SLC60A1: variants seen among roughly 807,000 people sequenced by gnomAD.
SLC60A1 encodes solute carrier family 60 member 1.
the SLC60A1 span, among the ~76,000 whole-genome samples, chr1:205,581,540 A>G: frequency 6.6e-6 from 1 of 152,140 alleles, no homozygotes. The surrounding 1 kb of genome is among the most constrained non-coding windows in gnomAD (Gnocchi z 4.2). Context: ...GGGATCTCTC[A>G]CGTTAGCCCA....
the SLC60A1 span, chr1:205,598,962 A>T: frequency 1.2e-6 from 1 of 865,338 alleles, no homozygotes; most frequent in Non-Finnish European, 1.8e-6. Context: ...CAGACACATC[A>T]ACTTGAAACA....
the SLC60A1 span, among the ~76,000 whole-genome samples, chr1:205,591,583 C>T: frequency 2.0e-5 from 3 of 151,958 alleles, no homozygotes; most frequent in African/African-American, 7.3e-5. Flanking sequence ...CTGAGGGTGC[C>T]AAGCTGACTG....
chr1:205,597,400 T>C, the SLC60A1 span, among the ~76,000 whole-genome samples: 6 of 128,808 alleles, frequency 4.7e-5, no homozygotes, highest in East Asian at 1.4e-3. Flanking sequence ...TTTTTTTTTT[T>C]CGTTTTTTGA....
chr1:205,589,069 C>T, the SLC60A1 span, among the ~76,000 whole-genome samples: 3 of 152,170 alleles, frequency 2.0e-5, no homozygotes, highest in Admixed American at 1.3e-4. Flanking sequence ...TCAAACTTCC[C>T]CAAATTTAGG....
the SLC60A1 span, among the ~76,000 whole-genome samples, chr1:205,591,321 A>C: frequency 6.6e-6 from 1 of 151,884 alleles, no homozygotes; most frequent in Non-Finnish European, 1.5e-5. Flanking sequence ...TTCTCGACTA[A>C]AAATACAGAA....
the SLC60A1 span, among the ~76,000 whole-genome samples, chr1:205,589,664 C>G: frequency 1.2e-4 from 18 of 152,014 alleles, no homozygotes; most frequent in Admixed American, 1.3e-4. Context: ...GTTGCCCAGG[C>G]TGGTCTTGAA....
the SLC60A1 span, among the ~76,000 whole-genome samples, chr1:205,570,579 T>G: frequency 5.9e-5 from 9 of 152,222 alleles, no homozygotes; most frequent in Non-Finnish European, 1.3e-4. Flanking sequence ...ATGACCAATT[T>G]TGGAAGCGAT....
At chr1:205,600,865 T>A in the SLC60A1 span, 1 of 158,042 alleles carries the variant, frequency 6.3e-6, no homozygotes, top group Non-Finnish European at 1.4e-5. Flanking sequence ...TAGATATATT[T>A]CAATTTAAGC....
the SLC60A1 span, chr1:205,569,139 G>A: frequency 1.3e-6 from 2 of 1,534,952 alleles, no homozygotes; most frequent in Non-Finnish European, 1.8e-6. Flanking sequence ...CTACTGGAGC[G>A]TCTTCTTCAG....
At chr1:205,571,701 C>T in the SLC60A1 span, among the ~76,000 whole-genome samples, 1 of 152,194 alleles carries the variant, frequency 6.6e-6, no homozygotes, top group African/African-American at 2.4e-5. Flanking sequence ...CACAGTCTCC[C>T]ATCCCCCCAG....
the SLC60A1 span, chr1:205,580,679 G>C: frequency 6.2e-7 from 1 of 1,613,510 alleles, no homozygotes; most frequent in East Asian, 2.2e-5. This position sits in a 1 kb window ranked among gnomAD's most constrained non-coding sequence, Gnocchi z 5.0. Context: ...TTTCTTCGTG[G>C]GCTTTGGTGC....
the SLC60A1 span, chr1:205,592,366 C>A: frequency 2.4e-6 from 2 of 828,244 alleles, no homozygotes; most frequent in African/African-American, 2.0e-5. Flanking sequence ...TCTCTCTGTG[C>A]TCTTTTTTTT....
the SLC60A1 span, among the ~76,000 whole-genome samples, chr1:205,573,744 T>C: frequency 1.3e-5 from 2 of 152,278 alleles, no homozygotes; most frequent in Admixed American, 1.3e-4. Flanking sequence ...TTGCCCAAGC[T>C]GCAGTGAGGT....
chr1:205,581,061 G>T, the SLC60A1 span: 1 of 1,188,988 alleles, frequency 8.4e-7, no homozygotes, highest in South Asian at 1.6e-5. This position sits in a 1 kb window ranked among gnomAD's most constrained non-coding sequence, Gnocchi z 4.2. Flanking sequence ...CAGGAGGATG[G>T]GAGGACAAAC....
chr1:205,584,259 T>TC, the SLC60A1 span: 6 of 1,040,406 alleles, frequency 5.8e-6, no homozygotes, highest in Non-Finnish European at 8.0e-6. Context: ...TTCACTCTCG[T>TC]CGCCCAGGCT....
chr1:205,591,266 T>C, the SLC60A1 span, among the ~76,000 whole-genome samples: 1 of 152,100 alleles, frequency 6.6e-6, no homozygotes, highest in Non-Finnish European at 1.5e-5. Context: ...ATGGATTGCT[T>C]GAGCCCAGAA....
chr1:205,594,727 TC>T, the SLC60A1 span, among the ~76,000 whole-genome samples: 1 of 152,132 alleles, frequency 6.6e-6, no homozygotes, highest in Non-Finnish European at 1.5e-5. Context: ...TTTCTTACTG[TC>T]CCTGCCTAAT....
the SLC60A1 span, chr1:205,592,367 T>A: frequency 2.1e-6 from 2 of 972,356 alleles, no homozygotes; most frequent in Non-Finnish European, 2.6e-6. Flanking sequence ...CTCTCTGTGC[T>A]CTTTTTTTTT....
chr1:205,578,858 C>T, the SLC60A1 span, among the ~76,000 whole-genome samples: 1 of 152,156 alleles, frequency 6.6e-6, no homozygotes, highest in Admixed American at 6.5e-5. Flanking sequence ...GCCTGCTGCC[C>T]AATCTCTCCT....
Sources: gnomAD v4.1 joint callset for allele counts (sites outside exome capture counted in the v4.1 genomes callset) on GRCh38, gnomAD v4.1.1 for gene constraint, Gnocchi (gnomAD v3.1) non-coding constraint, MANE v1.5 for transcripts, NCBI Gene and HGNC (gene_info 2026-07-23, HGNC 2026-07-21) for gene names.